The following TSPAN5 variants were observed in gnomAD, a reference collection of about 807,000 sequenced individuals.
TSPAN5 encodes tetraspanin-5.
In TSPAN5, 10 loss-of-function variants were observed where a neutral mutation model predicts 37.1. The ratio of observed to expected loss-of-function variants is 0.27; its 90% CI spans 0.17 to 0.46. The LOEUF is 0.46. Ranked by LOEUF, TSPAN5 falls within the 20% of genes least tolerant of loss-of-function variation. The pLI, the probability that TSPAN5 is intolerant of heterozygous loss-of-function variation, is 1.00. For missense variants in TSPAN5, 195 were observed against 326.6 expected (o/e 0.60, Z 3.11); for synonymous variants, 110 against 118.9 (o/e 0.93, Z 0.48).
rs188394821 is a variant in TSPAN5, at chr4:98,641,549, A to G, written c.81+16597T>C. Reference sequence around the variant, plus strand: ...AATAACCTGAATAGTTACTTAACATAAGCAAGGTTGATGTTAATCAAAACG... The same window carrying G: ...AATAACCTGAATAGTTACTTAACATGAGCAAGGTTGATGTTAATCAAAACG... On this transcript the variant is annotated intron_variant, in intron 1 of 7. Transcript: ENST00000305798. 3.0e-3 allele frequency among the ~76,000 whole-genome samples: 453 copies of G among 152,356 alleles called. 4 individuals carry two copies. Among genetic ancestry groups the G allele is most frequent in the African/African-American group, 0.01 (433 of 41,590 alleles).
intron 1 of TSPAN5, among the ~76,000 whole-genome samples, chr4:98,591,060 C>T (rs527699855): frequency 6.7e-6 from 1 of 148,226 alleles, no homozygotes; most frequent in African/African-American, 2.6e-5. Flanking sequence ...CATGCTTTTC[C>T]TTTTTTTTGT....
At chr4:98,521,284 C>T (rs752516746) in intron 1 of TSPAN5, among the ~76,000 whole-genome samples, 30 of 152,152 alleles carry the variant, frequency 2.0e-4, no homozygotes, top group Non-Finnish European at 3.4e-4. Flanking sequence ...AAAATTTGAA[C>T]AGCAGATAGC....
In TSPAN5 at chr4:98,522,817, G is replaced by A. The variant is rs140061864; in HGVS notation, c.82-15089C>T. Among the ~76,000 whole-genome samples, 3 of 152,284 alleles carry A rather than the reference G, an allele frequency of 2.0e-5. No homozygotes were observed. In the East Asian group the frequency reaches 5.8e-4, roughly 29 times the overall value. On this transcript the variant is annotated intron_variant, in intron 1 of 7. Transcript: ENST00000305798. Reference sequence around the variant, plus strand: ...TCTGAAAACAAAAGGGCAGCCTGACGACACCATTTAGTTATTTATTCTGTA... The same window carrying A: ...TCTGAAAACAAAAGGGCAGCCTGACAACACCATTTAGTTATTTATTCTGTA...
chr4:98,652,467 T>C lies in TSPAN5; in HGVS notation c.81+5679A>G, dbSNP rs535845151. ...TGTGGGTGGTGTTAATTGTGGCATA[T>C]GCAAAAACTTTATCACTTTTCGATT... On this transcript the variant is annotated intron_variant, in intron 1 of 7. Transcript: ENST00000305798. Among the ~76,000 whole-genome samples, 17 of 152,340 alleles carry C rather than the reference T, an allele frequency of 1.1e-4. No homozygotes were observed. The East Asian group carries it at 3.3e-3, about 29-fold the overall frequency.
chr4:98,558,857 GA>G (rs1227674707), intron 1 of TSPAN5, among the ~76,000 whole-genome samples: 1 of 152,182 alleles, frequency 6.6e-6, no homozygotes, highest in Non-Finnish European at 1.5e-5. Context: ...ACAACAAATT[GA>G]AAATGGTAAT....
intron 1 of TSPAN5, among the ~76,000 whole-genome samples, chr4:98,652,041 G>A (rs1579057193): frequency 6.7e-6 from 1 of 149,012 alleles, no homozygotes; most frequent in Non-Finnish European, 1.5e-5. Context: ...ATTTTTTTTT[G>A]TAGAGATAGG....
At chr4:98,604,093 G>C (rs78533387) in intron 1 of TSPAN5, among the ~76,000 whole-genome samples, 1 of 151,688 alleles carries the variant, frequency 6.6e-6, no homozygotes, top group African/African-American at 2.4e-5. Context: ...AAAAAAAAAA[G>C]AGAGTATCAG....
At position 98,532,679 on chromosome 4, in the gene TSPAN5, T is replaced by C. The variant is rs186039680; in HGVS notation, c.82-24951A>G. On this transcript the variant is annotated intron_variant, in intron 1 of 7. Transcript: ENST00000305798. ...TTCCTAATTGAATAACCTTTATTTT[T>C]ATTTCTTTCTCTTGCCTGAGTGCCC... Among the ~76,000 whole-genome samples the C allele has an allele frequency of 5.4e-3, 826 of 152,328 alleles. 9 individuals are homozygous for C. The highest frequency in any genetic ancestry group is 9.3e-3 in the Non-Finnish European group (634 of 68,044).
At chr4:98,546,298 T>C (rs1278735709) in intron 1 of TSPAN5, among the ~76,000 whole-genome samples, 1 of 152,172 alleles carries the variant, frequency 6.6e-6, no homozygotes, top group Non-Finnish European at 1.5e-5. Flanking sequence ...AAGTTGGTTC[T>C]GCTGTACCAC....
intron 1 of TSPAN5, among the ~76,000 whole-genome samples, chr4:98,649,681 G>A (rs573893052): frequency 6.6e-6 from 1 of 152,196 alleles, no homozygotes; most frequent in Non-Finnish European, 1.5e-5. Context: ...ATGAGCAACT[G>A]AGGAACTAAT....
chr4:98,633,102 C>T (rs757738666), intron 1 of TSPAN5, among the ~76,000 whole-genome samples: 8 of 152,020 alleles, frequency 5.3e-5, no homozygotes, highest in Non-Finnish European at 1.0e-4. Context: ...AGGTAATACC[C>T]AAAGGTGATA....
chr4:98,598,039 G>A (rs1251401216), intron 1 of TSPAN5, among the ~76,000 whole-genome samples: 3 of 86,292 alleles, frequency 3.5e-5, no homozygotes, highest in Admixed American at 1.2e-4. Context: ...CCCCAGCCTC[G>A]TTGCCGCCTT....
intron 1 of TSPAN5, among the ~76,000 whole-genome samples, chr4:98,641,420 G>T (rs930142226): frequency 9.2e-5 from 14 of 152,118 alleles, no homozygotes; most frequent in Non-Finnish European, 2.1e-4. Flanking sequence ...CAAATTAATT[G>T]GAAACCTTTG....
chr4:98,551,745 A>G (rs1049529808), intron 1 of TSPAN5, among the ~76,000 whole-genome samples: 4 of 151,266 alleles, frequency 2.6e-5, no homozygotes, highest in Non-Finnish European at 5.9e-5. Context: ...CGTGATCCAC[A>G]CACCACGGCC....
intron 1 of TSPAN5, among the ~76,000 whole-genome samples, chr4:98,559,351 T>A (rs989093003): frequency 1.3e-5 from 2 of 152,106 alleles, no homozygotes; most frequent in Non-Finnish European, 2.9e-5. Context: ...AACAGGGTAA[T>A]GGGGTGATAT....
At chr4:98,631,943 C>T (rs941489011) in intron 1 of TSPAN5, among the ~76,000 whole-genome samples, 5 of 152,200 alleles carry the variant, frequency 3.3e-5, no homozygotes, top group Non-Finnish European at 7.3e-5. Context: ...ACCGTGCACA[C>T]TACCTTCTTT....
chr4:98,482,252 A>T (rs1752856511), intron 3 of TSPAN5, 77 bp from the exon 4 acceptor site: 3 of 1,360,764 alleles, frequency 2.2e-6, no homozygotes, highest in Non-Finnish European at 3.0e-6. Context: ...GTTCCTCTCT[A>T]AACAGGTTTG....
intron 1 of TSPAN5, among the ~76,000 whole-genome samples, chr4:98,578,375 AAAT>A (rs1156576159): frequency 6.6e-6 from 1 of 152,162 alleles, no homozygotes; most frequent in Non-Finnish European, 1.5e-5. Flanking sequence ...GCTCTTCCCC[AAAT>A]AATAACTTCC....
At chr4:98,533,934 G>T (rs1578973690) in intron 1 of TSPAN5, among the ~76,000 whole-genome samples, 11 of 11,084 alleles carry the variant, frequency 9.9e-4, no homozygotes, top group East Asian at 1.8e-3. Flanking sequence ...CCATTTTGTT[G>T]ATCTTAAAAA....
Sources: gnomAD v4.1 joint callset for allele counts (sites outside exome capture counted in the v4.1 genomes callset) on GRCh38, gnomAD v4.1.1 for gene constraint, MANE v1.5 for transcripts, NCBI Gene and HGNC (gene_info 2026-07-23, HGNC 2026-07-21) for gene names.